The following ZBTB22 variants were observed in gnomAD, a reference collection of about 807,000 sequenced individuals.
ZBTB22 encodes zinc finger and BTB domain-containing protein 22.
For missense variants in ZBTB22, 668 were observed against 834.1 expected (o/e 0.80, Z 2.45); for synonymous variants, 356 against 347.3 (o/e 1.03, Z -0.28).
Position 33,315,867 on chromosome 6 carries a change from T to C in ZBTB22, c.1050A>G (p.Gly350=), listed in dbSNP as rs1554280356. Reference sequence around the variant, plus strand: ...TTATGCTGAGGGTAGCCTCAGGCCCTCCCCCCACTGGAACCCTGGAGCTAC... The same window carrying C: ...TTATGCTGAGGGTAGCCTCAGGCCCCCCCCCCACTGGAACCCTGGAGCTAC... ...LGGSSRVPVG[G]GPEATLSISD... is the part of the protein sequence containing the mutation. Residue 350 remains glycine, a synonymous_variant, in exon 2 of 2, where the codon GGA becomes GGG. Coordinates refer to ENST00000431845, the MANE Select transcript of ZBTB22 (RefSeq NM_005453.5). The surrounding 1 kb of genome is among the most constrained non-coding windows in gnomAD (Gnocchi z 5.4). 1 of 1,613,300 alleles carries C rather than the reference T, an allele frequency of 6.2e-7. No individual in the cohort carries two copies. Among genetic ancestry groups the C allele is most frequent in the Non-Finnish European group, 8.5e-7 (1 of 1,179,732 alleles).
chr6:33,316,827 T>C lies in ZBTB22; in HGVS notation c.90A>G (p.Ala30=), dbSNP rs1290200373. ...APPPLPLPAA[A]VVHVSFPEVT... is the part of the protein sequence containing the mutation. ...CCTCAGGGAAGGACACATGTACCAC[T>C]GCAGCTGCTGGCAGGGGTAGTGGGG... Residue 30 remains alanine, a synonymous_variant, in exon 2 of 2, where the codon GCA becomes GCG. Transcript: ENST00000431845. The surrounding 1 kb of genome is among the most constrained non-coding windows in gnomAD (Gnocchi z 7.2). The C allele has an allele frequency of 1.9e-6, 3 of 1,613,886 alleles. No individual in the cohort carries two copies. The highest frequency in any genetic ancestry group is 2.5e-6 in the Non-Finnish European group (3 of 1,180,014).
In ZBTB22 at chr6:33,315,179, T is replaced by G; in HGVS notation, c.1738A>C (p.Thr580Pro). ...GACGGCAAGGATGGCCCCGTGGGAGTCCCAGGCCCAGGTACGGCCCCGACC... is the reference window on the plus strand; with the variant it reads ...GACGGCAAGGATGGCCCCGTGGGAGGCCCAGGCCCAGGTACGGCCCCGACC... ...GGVGAVPGPG[T>P]PTGPSLPSKR... is the part of the protein sequence containing the mutation. The change falls in exon 2 of 2, where the codon ACT (threonine) becomes CCT (proline). Residue 580 changes from threonine to proline, a missense_variant. By Grantham distance (38) the Thr-to-Pro change is conservative. Coordinates refer to ENST00000431845, the MANE Select transcript of ZBTB22 (RefSeq NM_005453.5). The surrounding 1 kb of genome is among the most constrained non-coding windows in gnomAD (Gnocchi z 5.4). 6.2e-7 allele frequency: 1 copy of G among 1,611,748 alleles called. No individual in the cohort carries two copies. Among genetic ancestry groups the G allele is most frequent in the Non-Finnish European group, 8.5e-7 (1 of 1,178,956 alleles).
Position 33,315,752 on chromosome 6 carries a change from C to T in ZBTB22, c.1165G>A (p.Gly389Ser), listed in dbSNP as rs1769819412. 6.2e-7 allele frequency: 1 copy of T among 1,613,022 alleles called. No homozygotes were observed. Among genetic ancestry groups the T allele is most frequent in the African/African-American group, 1.3e-5 (1 of 74,794 alleles). ...ESSNDFGPYE[G>S]GGPVAGLDDS... Reference sequence around the variant, plus strand: ...TCAAGACCTGCCACAGGACCCCCACCCTCATATGGGCCAAAGTCATTGGAG... The same window carrying T: ...TCAAGACCTGCCACAGGACCCCCACTCTCATATGGGCCAAAGTCATTGGAG... The change falls in exon 2 of 2, where the codon GGT (glycine) becomes AGT (serine). Residue 389 changes from glycine to serine, a missense_variant. By Grantham distance (56) the Gly-to-Ser change is moderately conservative. Coordinates refer to ENST00000431845, the MANE Select transcript of ZBTB22 (RefSeq NM_005453.5). This position sits in a 1 kb window ranked among gnomAD's most constrained non-coding sequence, Gnocchi z 5.4.
At position 33,316,083 on chromosome 6, in the gene ZBTB22, C is replaced by G; in HGVS notation, c.834G>C (p.Gly278=). Residue 278 remains glycine, a synonymous_variant, in exon 2 of 2, where the codon GGG becomes GGC. Transcript: ENST00000431845. This position sits in a 1 kb window ranked among gnomAD's most constrained non-coding sequence, Gnocchi z 7.2. Reference sequence around the variant, plus strand: ...TGTAGGTGGGTCTCCGGAGCCCAGCCCCAGGAACCACTGCCCCCCTCCCAT... The same window carrying G: ...TGTAGGTGGGTCTCCGGAGCCCAGCGCCAGGAACCACTGCCCCCCTCCCAT... ...GGDGRGAVVP[G]AGLRRPTYTP... 1 of 1,613,412 alleles carries G rather than the reference C, an allele frequency of 6.2e-7. No homozygotes were observed. Among genetic ancestry groups the G allele is most frequent in the Non-Finnish European group, 8.5e-7 (1 of 1,179,916 alleles).
At position 33,314,999 on chromosome 6, in the gene ZBTB22, G is replaced by C. The variant is rs1377608755; in HGVS notation, c.*13C>G. 6.5e-7 allele frequency: 1 copy of C among 1,531,142 alleles called. No homozygotes were observed. The highest frequency in any genetic ancestry group is 8.8e-7 in the Non-Finnish European group (1 of 1,138,054). 94.8% of individuals were successfully genotyped at this position (1,531,142 alleles called of 1,614,324 possible). A position where few individuals can be genotyped will look rare whatever the true frequency, so the allele number is the denominator to read the frequency against. On this transcript the variant is annotated 3_prime_UTR_variant, in exon 2 of 2. Coordinates refer to ENST00000431845, the MANE Select transcript of ZBTB22 (RefSeq NM_005453.5). Reference sequence around the variant, plus strand: ...CTTTCCCGAAAGCTACCCCACCCCAGTAGCCTGCCCCTTCAGTTTGCTCCT... The same window carrying C: ...CTTTCCCGAAAGCTACCCCACCCCACTAGCCTGCCCCTTCAGTTTGCTCCT...
In ZBTB22 at chr6:33,316,133, C is replaced by T. The variant is rs768816851; in HGVS notation, c.784G>A (p.Asp262Asn). ...TCCCCACCATCATCGCACAGCTCAT[C>T]TGCCTCCAGCAGCAGCTTTCCAGAT... ...ATSGKLLLEA[D>N]ELCDDGGDGR... Residue 262 changes from aspartate (D) to asparagine (N), a missense_variant, in exon 2 of 2, where the codon GAT (aspartate) becomes AAT (asparagine). Transcript: ENST00000431845. The surrounding 1 kb of genome is among the most constrained non-coding windows in gnomAD (Gnocchi z 7.2). 3 of 1,613,704 alleles carry T rather than the reference C, an allele frequency of 1.9e-6. No homozygotes were observed. Among genetic ancestry groups the T allele is most frequent in the East Asian group, 2.2e-5 (1 of 44,886 alleles).
Position 33,316,039 on chromosome 6 carries a change from G to T in ZBTB22, c.878C>A (p.Pro293Gln). 1 of 1,613,982 alleles carries T rather than the reference G, an allele frequency of 6.2e-7. No homozygotes were observed. The highest frequency in any genetic ancestry group is 8.5e-7 in the Non-Finnish European group (1 of 1,179,960). Residue 293 changes from proline (P) to glutamine (Q), a missense_variant, in exon 2 of 2, where the codon CCA (proline) becomes CAA (glutamine). By Grantham distance (76) the Pro-to-Gln change is moderately conservative. Coordinates refer to ENST00000431845, the MANE Select transcript of ZBTB22 (RefSeq NM_005453.5). This position sits in a 1 kb window ranked among gnomAD's most constrained non-coding sequence, Gnocchi z 7.2. ...RPTYTPPSIM[P>Q]QKHWVYVKRG... Reference sequence around the variant, plus strand: ...CTTCACGTATACCCAGTGTTTCTGTGGCATGATGCTAGGGGGTGTGTAGGT... The same window carrying T: ...CTTCACGTATACCCAGTGTTTCTGTTGCATGATGCTAGGGGGTGTGTAGGT...
In ZBTB22 at chr6:33,314,738, A is replaced by G. The variant is rs1769690822; in HGVS notation, c.*274T>C. ...CAACACGCCCCCTCTCCCTCCCTCCATGTGCAATCTACTCTGTGGAGCAGG... is the reference window on the plus strand; with the variant it reads ...CAACACGCCCCCTCTCCCTCCCTCCGTGTGCAATCTACTCTGTGGAGCAGG... On this transcript the variant is annotated 3_prime_UTR_variant, in exon 2 of 2. Transcript: ENST00000431845. The G allele has an allele frequency of 6.0e-6, 3 of 498,934 alleles. No individual in the cohort carries two copies. The highest frequency in any genetic ancestry group is 3.3e-6 in the Non-Finnish European group (1 of 301,808). The allele number at this position is 498,934 out of a possible 1,614,324, so 30.9% of individuals were successfully genotyped here.
Position 33,315,154 on chromosome 6 carries a change from G to T in ZBTB22, c.1763C>A (p.Ser588Tyr). 6.2e-7 allele frequency: 1 copy of T among 1,613,288 alleles called. No homozygotes were observed. The highest frequency in any genetic ancestry group is 1.7e-5 in the Admixed American group (1 of 59,982). ...GCCCACTCCGGGAGACTCTCTCTTG[G>T]ACGGCAAGGATGGCCCCGTGGGAGT... is the stretch of plus-strand genomic sequence containing the variant. ...PGTPTGPSLP[S>Y]KRESPGVGGG... Residue 588 changes from serine to tyrosine, a missense_variant, in exon 2 of 2, where the codon TCC (serine) becomes TAC (tyrosine). Coordinates refer to ENST00000431845, the MANE Select transcript of ZBTB22 (RefSeq NM_005453.5). The surrounding 1 kb of genome is among the most constrained non-coding windows in gnomAD (Gnocchi z 5.4).
Position 33,316,287 on chromosome 6 carries a change from G to A in ZBTB22, c.630C>T (p.Ser210=), listed in dbSNP as rs749073213. The change falls in exon 2 of 2, where the codon AGC becomes AGT. Residue 210 remains serine (S), a synonymous_variant. Transcript: ENST00000431845. The surrounding 1 kb of genome is among the most constrained non-coding windows in gnomAD (Gnocchi z 7.2). Reference sequence around the variant, plus strand: ...ATGAGAAATCAGTGGACTCCCTGGGGCTGAAGTAGTTGCTGCTGCTGGGAG... The same window carrying A: ...ATGAGAAATCAGTGGACTCCCTGGGACTGAAGTAGTTGCTGCTGCTGGGAG... The part of the protein sequence containing the change: ...NQSPSSSNYF[S]PRESTDFSSS... The A allele has an allele frequency of 3.2e-5, 52 of 1,614,008 alleles. No individual in the cohort carries two copies. The highest frequency in any genetic ancestry group is 1.6e-4 in the Middle Eastern group (1 of 6,084).
In ZBTB22 at chr6:33,316,263, T is replaced by A. The variant is rs1769868328; in HGVS notation, c.654A>T (p.Ser218=). ...CTGCAAATGCCTCTTGGGAGGAAGATGAGAAATCAGTGGACTCCCTGGGGC... is the reference window on the plus strand; with the variant it reads ...CTGCAAATGCCTCTTGGGAGGAAGAAGAGAAATCAGTGGACTCCCTGGGGC... ...YFSPRESTDF[S]SSSQEAFAAS... is the part of the protein sequence containing the mutation. The change falls in exon 2 of 2, where the codon TCA becomes TCT. Residue 218 remains serine, a synonymous_variant. Coordinates refer to ENST00000431845, the MANE Select transcript of ZBTB22 (RefSeq NM_005453.5). The surrounding 1 kb of genome is among the most constrained non-coding windows in gnomAD (Gnocchi z 7.2). 2 of 1,614,034 alleles carry A rather than the reference T, an allele frequency of 1.2e-6. No individual in the cohort carries two copies. Among genetic ancestry groups the A allele is most frequent in the Non-Finnish European group, 8.5e-7 (1 of 1,180,018 alleles).
Position 33,315,118 on chromosome 6 carries a change from C to T in ZBTB22, c.1799G>A (p.Gly600Asp). The T allele has an allele frequency of 6.2e-7, 1 of 1,612,204 alleles. No homozygotes were observed. Among genetic ancestry groups the T allele is most frequent in the Non-Finnish European group, 8.5e-7 (1 of 1,178,602 alleles). ...GGGCGTGGCCGCACTCGCTTCGTCG[C>T]CGCTGCCCCCGCCCACTCCGGGAGA... ...RESPGVGGGS[G>D]DEASAATPPS... Residue 600 changes from glycine (G) to aspartate (D), a missense_variant, in exon 2 of 2, where the codon GGC (glycine) becomes GAC (aspartate). Gly to Asp is a moderately conservative substitution (Grantham distance 94). Coordinates refer to ENST00000431845, the MANE Select transcript of ZBTB22 (RefSeq NM_005453.5). This position sits in a 1 kb window ranked among gnomAD's most constrained non-coding sequence, Gnocchi z 5.4.
In ZBTB22 at chr6:33,314,941, G is replaced by C. The variant is rs541696204; in HGVS notation, c.*71C>G. On this transcript the variant is annotated 3_prime_UTR_variant, in exon 2 of 2. Coordinates refer to ENST00000431845, the MANE Select transcript of ZBTB22 (RefSeq NM_005453.5). ...AAGTGTGGTGGGAGATCACCCGGGGGCCACAGCGCCCTTGCATCGTGCTCC... is the reference window on the plus strand; with the variant it reads ...AAGTGTGGTGGGAGATCACCCGGGGCCCACAGCGCCCTTGCATCGTGCTCC... The C allele has an allele frequency of 6.6e-7, 1 of 1,507,636 alleles. No homozygotes were observed. The highest frequency in any genetic ancestry group is 1.4e-5 in the African/African-American group (1 of 71,396). The allele number at this position is 1,507,636 out of a possible 1,614,324, so 93.4% of individuals were successfully genotyped here.
Position 33,316,982 on chromosome 6 carries a change from G to A in ZBTB22, c.-66C>T. On this transcript the variant is annotated 5_prime_UTR_variant, in exon 2 of 2. Coordinates refer to ENST00000431845, the MANE Select transcript of ZBTB22 (RefSeq NM_005453.5). The surrounding 1 kb of genome is among the most constrained non-coding windows in gnomAD (Gnocchi z 7.2). ...AGAAAGGAGGAGGGCGGCCGGGGGG[G>A]TCTCTGGGAAGAAAAAGAGAAAAGA... 1.3e-6 allele frequency: 2 copies of A among 1,482,230 alleles called. No homozygotes were observed. The highest frequency in any genetic ancestry group is 9.0e-7 in the Non-Finnish European group (1 of 1,117,172). The allele number at this position is 1,482,230 out of a possible 1,614,324, so 91.8% of individuals were successfully genotyped here.
rs747722547 is a variant in ZBTB22 at position 33,316,019 on chromosome 6, C to T, written c.898G>A (p.Val300Met). The T allele has an allele frequency of 5.3e-5, 86 of 1,613,958 alleles. No individual in the cohort carries two copies. Among genetic ancestry groups the T allele is most frequent in the Middle Eastern group, 4.9e-4 (3 of 6,084 alleles). Residue 300 changes from valine (V) to methionine (M), a missense_variant, in exon 2 of 2, where the codon GTG (valine) becomes ATG (methionine). Transcript: ENST00000431845. This position sits in a 1 kb window ranked among gnomAD's most constrained non-coding sequence, Gnocchi z 7.2. The part of the protein sequence containing the change: ...SIMPQKHWVY[V>M]KRGGNCPAPT... ...GCTGGGCAATTACCACCTCGCTTCA[C>T]GTATACCCAGTGTTTCTGTGGCATG...
Position 33,316,865 on chromosome 6 carries a change from A to G in ZBTB22, c.52T>C (p.Ser18Pro). The part of the protein sequence containing the change: ...PSGAALPLPL[S>P]LAPPPLPLPA... ...AGGGGTAGTGGGGGCGGAGCCAGCG[A>G]CAGCGGCAGGGGAAGTGCTGCCCCA... The change falls in exon 2 of 2, where the codon TCG becomes CCG. Residue 18 changes from serine (S) to proline (P), a missense_variant. Coordinates refer to ENST00000431845, the MANE Select transcript of ZBTB22 (RefSeq NM_005453.5). This position sits in a 1 kb window ranked among gnomAD's most constrained non-coding sequence, Gnocchi z 7.2. 4 of 1,613,250 alleles carry G rather than the reference A, an allele frequency of 2.5e-6. No individual in the cohort carries two copies. The highest frequency in any genetic ancestry group is 3.4e-6 in the Non-Finnish European group (4 of 1,179,656).
rs1301390667 is a variant in ZBTB22, at chr6:33,315,457, A to T, written c.1460T>A (p.Leu487Gln). 6.2e-7 allele frequency: 1 copy of T among 1,614,000 alleles called. No homozygotes were observed. Among genetic ancestry groups the T allele is most frequent in the Non-Finnish European group, 8.5e-7 (1 of 1,180,024 alleles). The change falls in exon 2 of 2, where the codon CTG (leucine) becomes CAG (glutamine). Residue 487 changes from leucine to glutamine, a missense_variant. By Grantham distance (113) the Leu-to-Gln change is moderately radical. Transcript: ENST00000431845. The surrounding 1 kb of genome is among the most constrained non-coding windows in gnomAD (Gnocchi z 5.4). ...GGAGAAGGCCTTCCCACAATGGCAC[A>T]GAAAGATCTTATTCCCGTCCCCACT... ...TGSGDGNKIFLCHCGKAFSHK... is the reference protein window; with the variant it reads ...TGSGDGNKIFQCHCGKAFSHK...
chr6:33,314,428 A>C lies in ZBTB22; in HGVS notation c.*584T>G. ...TATCGGGAAGCCAAGTAAATGACCAATAAATATTTTAATCACTGTTAAAAA... is the reference window on the plus strand; with the variant it reads ...TATCGGGAAGCCAAGTAAATGACCACTAAATATTTTAATCACTGTTAAAAA... On this transcript the variant is annotated 3_prime_UTR_variant, in exon 2 of 2. Transcript: ENST00000431845. 1 of 309,816 alleles carries C rather than the reference A, an allele frequency of 3.2e-6. No individual in the cohort carries two copies. The highest frequency in any genetic ancestry group is 6.0e-6 in the Non-Finnish European group (1 of 165,592). The allele number at this position is 309,816 out of a possible 1,614,324, so 19.2% of individuals were successfully genotyped here.
chr6:33,316,484 C>G lies in ZBTB22; in HGVS notation c.433G>C (p.Glu145Gln), dbSNP rs1452583863. 6.2e-7 allele frequency: 1 copy of G among 1,614,198 alleles called. No homozygotes were observed. The highest frequency in any genetic ancestry group is 1.1e-5 in the South Asian group (1 of 91,084). The stretch of plus-strand genomic sequence containing the variant: ...GAGGCCCGGCCTTCTCGGAGTAGTT[C>G]AGTGCACTTGTCCACAATGTGCCAC... ...QMWHIVDKCTELLREGRASAT... is the reference protein window; with the variant it reads ...QMWHIVDKCTQLLREGRASAT... Residue 145 changes from glutamate (E) to glutamine (Q), a missense_variant, in exon 2 of 2, where the codon GAA becomes CAA. Transcript: ENST00000431845. The surrounding 1 kb of genome is among the most constrained non-coding windows in gnomAD (Gnocchi z 7.2).
Sources: gnomAD v4.1 joint callset for allele counts on GRCh38, gnomAD v4.1.1 for gene constraint, Gnocchi (gnomAD v3.1) non-coding constraint, MANE v1.5 for transcripts, NCBI Gene and HGNC (gene_info 2026-07-23, HGNC 2026-07-21) for gene names.